RABGAP1: variants seen among roughly 807,000 people sequenced by gnomAD.
RABGAP1 encodes the protein rab GTPase-activating protein 1.
A neutral mutation model predicts 137.6 loss-of-function variants in RABGAP1; 23 were observed. The observed-to-expected ratio is 0.17, with a 90% CI of 0.12 to 0.24. RABGAP1 has a LOEUF of 0.24. RABGAP1 is among the 10% of genes least tolerant of loss of function. The pLI, the probability that RABGAP1 is intolerant of heterozygous loss-of-function variation, is 1.00. For synonymous variants in RABGAP1, 451 were observed against 450.7 expected (o/e 1.00, Z -0.01); for missense variants, 906 against 1,275.8 (o/e 0.71, Z 4.42).
chr9:122,934,138 C>A, the RABGAP1 span, among the ~76,000 whole-genome samples: 1 of 136,630 alleles, frequency 7.3e-6, no homozygotes, highest in Non-Finnish European at 1.5e-5. Context: ...AGTGCAGTGG[C>A]GTGATCTCGG....
rs1834571557 is a variant in RABGAP1 at position 122,957,156 on chromosome 9, G to T, written c.97G>T (p.Asp33Tyr). 1 of 1,572,080 alleles carries T rather than the reference G, an allele frequency of 6.4e-7. No individual in the cohort carries two copies. Among genetic ancestry groups the T allele is most frequent in the Non-Finnish European group, 8.7e-7 (1 of 1,150,836 alleles). The change falls in exon 2 of 26, where the codon GAT becomes TAT. Residue 33 changes from aspartate to tyrosine, a missense_variant. By Grantham distance (160) the Asp-to-Tyr change is radical. This residue lies in a region of RABGAP1 where 331 missense variants were observed against 358.3 expected (regional missense o/e 0.92). Transcript: ENST00000373647. ...TTTTGTCTTGGTTTCCAGGCAAGGA[G>T]ATGAGACACCATCTACAAATAATGG... ...EDFVLVSRQG[D>Y]ETPSTNNGSD...
chr9:123,097,921 G>A, intron 22 of RABGAP1, 76 bp downstream of exon 22: 1 of 1,276,410 alleles, frequency 7.8e-7, no homozygotes, highest in Non-Finnish European at 1.1e-6. Flanking sequence ...CTTCCTGTTG[G>A]CACTAGAAAA....
chr9:123,076,580 T>G (rs1308559187), intron 18 of RABGAP1, 54 bp from the exon 19 acceptor site: 5 of 1,538,446 alleles, frequency 3.3e-6, no homozygotes, highest in African/African-American at 1.4e-5. Flanking sequence ...AAAAACTTCT[T>G]GTGCATCCTT....
At chr9:122,979,846 T>C (rs2131724732) in intron 2 of RABGAP1, among the ~76,000 whole-genome samples, 1 of 152,374 alleles carries the variant, frequency 6.6e-6, no homozygotes, top group Admixed American at 6.5e-5. Flanking sequence ...CCACAATGTC[T>C]TCATTACTTT....
At chr9:123,086,203 G>A (rs700074) in intron 19 of RABGAP1, among the ~76,000 whole-genome samples, 114,953 of 152,094 alleles carry the variant, frequency 0.76, 45,392 homozygotes, top group Middle Eastern at 0.89. Flanking sequence ...TGCAATCCCA[G>A]AGGTGAATAG....
At chr9:123,028,600 T>C (rs986757280) in intron 13 of RABGAP1, among the ~76,000 whole-genome samples, 6 of 151,902 alleles carry the variant, frequency 3.9e-5, no homozygotes, top group Non-Finnish European at 8.8e-5. Context: ...TTCCATAGAG[T>C]GTGAATGGAG....
upstream of RABGAP1, among the ~76,000 whole-genome samples, chr9:122,937,126 C>G (rs530264641): frequency 1.3e-3 from 196 of 152,142 alleles, no homozygotes; most frequent in African/African-American, 4.6e-3. Context: ...TAGTGAGACC[C>G]CATCTCTAGT....
intron 13 of RABGAP1, among the ~76,000 whole-genome samples, chr9:123,045,006 A>G (rs2033144428): frequency 6.6e-6 from 1 of 152,254 alleles, no homozygotes; most frequent in Admixed American, 6.5e-5. Flanking sequence ...TTTGCAAATT[A>G]AAAAACCTAT....
At chr9:122,963,734 A>G (rs563896132) in intron 2 of RABGAP1, among the ~76,000 whole-genome samples, 41 of 139,102 alleles carry the variant, frequency 2.9e-4, no homozygotes, top group Admixed American at 7.6e-4. Flanking sequence ...CATTAAACCT[A>G]AAACAGTCAG....
chr9:122,938,813 T>TA (rs1833434470), upstream of RABGAP1: 1 of 152,224 alleles, frequency 6.6e-6, no homozygotes, highest in Admixed American at 6.5e-5. Flanking sequence ...AGTCTTCAAA[T>TA]ATAACTTTCT....
chr9:122,996,991 A>G (rs1007093102), intron 8 of RABGAP1: 1 of 573,526 alleles, frequency 1.7e-6, no homozygotes, highest in South Asian at 1.6e-5. Flanking sequence ...TATAATTCAC[A>G]TGAAAGAAGA....
At chr9:122,946,117 A>AT (rs762835039) in intron 1 of RABGAP1, 1 of 152,170 alleles carries the variant, frequency 6.6e-6, no homozygotes, top group Non-Finnish European at 1.5e-5. Context: ...TTTAACTATC[A>AT]TGAAGGATAA....
At chr9:122,991,151 G>T (rs1396211296) in intron 6 of RABGAP1, among the ~76,000 whole-genome samples, 3 of 151,780 alleles carry the variant, frequency 2.0e-5, no homozygotes, top group African/African-American at 7.3e-5. Context: ...TATTAACAGT[G>T]TCCCCATTTC....
chr9:123,042,342 G>C (rs1445406347), intron 13 of RABGAP1, among the ~76,000 whole-genome samples: 1 of 152,146 alleles, frequency 6.6e-6, no homozygotes, highest in South Asian at 2.1e-4. Flanking sequence ...CAGACAGCCA[G>C]AGATAATTGC....
At chr9:122,992,762 A>T (rs1836804844) in intron 6 of RABGAP1, among the ~76,000 whole-genome samples, 1 of 148,550 alleles carries the variant, frequency 6.7e-6, no homozygotes, top group African/African-American at 2.4e-5. Flanking sequence ...ACCTATTATT[A>T]TATAAAACCT....
At chr9:123,089,951 C>A in intron 20 of RABGAP1, 101 bp downstream of exon 20, 1 of 1,064,864 alleles carries the variant, frequency 9.4e-7, no homozygotes, top group Non-Finnish European at 1.4e-6. Context: ...AAATTCAATT[C>A]CTCTGTAGGT....
chr9:123,010,560 G>T (rs2030716408), intron 11 of RABGAP1, 32 bp downstream of exon 11: 1 of 1,580,084 alleles, frequency 6.3e-7, no homozygotes, highest in Non-Finnish European at 8.7e-7. Context: ...ATTTATTTTT[G>T]GGGGTGGAAG....
intron 9 of RABGAP1, 111 bp downstream of exon 9, chr9:122,997,472 C>A (rs898018343): frequency 1.4e-5 from 9 of 650,536 alleles, no homozygotes; most frequent in African/African-American, 1.3e-4. Context: ...TTTGATGAAA[C>A]CGAAGAATTT....
intron 13 of RABGAP1, among the ~76,000 whole-genome samples, chr9:123,030,567 A>G (rs1464694394): frequency 1.3e-5 from 2 of 152,186 alleles, no homozygotes; most frequent in Non-Finnish European, 2.9e-5. Flanking sequence ...TCAGCATATA[A>G]CATACATACT....
Sources: gnomAD v4.1 joint callset for allele counts (sites outside exome capture counted in the v4.1 genomes callset) on GRCh38, gnomAD v4.1.1 for gene constraint, gnomAD v4.1.1 regional missense constraint, MANE v1.5 for transcripts, NCBI Gene and HGNC (gene_info 2026-07-23, HGNC 2026-07-21) for gene names.